The following ZNF239 variants were observed in gnomAD, a reference collection of about 807,000 sequenced individuals.
ZNF239 encodes zinc finger protein (C2H2) homologous to mouse MOK-2.
Under a neutral mutation model 27.5 loss-of-function variants are expected in ZNF239, and 16 were observed. The observed-to-expected ratio is 0.58, with a 90% CI of 0.39 to 0.88. The LOEUF (loss-of-function observed/expected upper bound fraction) is 0.88, where lower values mean the gene tolerates loss of function less well. ZNF239 is among the 40% of genes least tolerant of loss of function. The pLI, the probability that ZNF239 is intolerant of heterozygous loss-of-function variation, is 0.00. For missense variants in ZNF239, 527 were observed against 551.9 expected, an observed-to-expected ratio of 0.95 and a Z score of 0.45; for synonymous variants, 199 against 192.6, an observed-to-expected ratio of 1.03 and a Z score of -0.27.
intron 3 of ZNF239, among the ~76,000 whole-genome samples, chr10:43,565,313 A>G (rs1421587405): frequency 1.3e-5 from 2 of 151,644 alleles, no homozygotes; most frequent in East Asian, 3.9e-4. Flanking sequence ...CGAACTCCTG[A>G]CCTCAGGTGA....
At chr10:43,568,220 T>C (rs899710148) in intron 2 of ZNF239, 199 bp from the exon 3 acceptor site, 12 of 985,338 alleles carry the variant, frequency 1.2e-5, no homozygotes, top group Non-Finnish European at 1.4e-5. Context: ...TCCAAATCAT[T>C]TCCCTCCTGC....
intron 3 of ZNF239, among the ~76,000 whole-genome samples, chr10:43,561,366 G>C (rs200954209): frequency 4.6e-4 from 47 of 103,246 alleles, no homozygotes; most frequent in Middle Eastern, 5.8e-3. Context: ...AACAAACAAA[G>C]AAACAGAAAA....
At chr10:43,565,430 C>G (rs1837563849) in intron 3 of ZNF239, among the ~76,000 whole-genome samples, 1 of 152,150 alleles carries the variant, frequency 6.6e-6, no homozygotes, top group Non-Finnish European at 1.5e-5. Flanking sequence ...TAAAAACAAT[C>G]CTACCTGACA....
chr10:43,562,129 C>T (rs371775075), intron 3 of ZNF239, among the ~76,000 whole-genome samples: 1 of 152,102 alleles, frequency 6.6e-6, no homozygotes, highest in Non-Finnish European at 1.5e-5. Context: ...AAAGCTACAT[C>T]CTCATCTATA....
At position 43,573,645 on chromosome 10, in the gene ZNF239, T is replaced by G; in HGVS notation, c.-224A>C. On this transcript the variant is annotated 5_prime_UTR_variant, in exon 2 of 4. Transcript: ENST00000374446. The stretch of plus-strand genomic sequence containing the variant: ...ATGGAACGCCAACTCACCCGGACCC[T>G]GGTCATTTCTTACTCCCAGAGGGGA... 1.0e-6 allele frequency: 1 copy of G among 985,396 alleles called. No homozygotes were observed. The highest frequency in any genetic ancestry group is 1.2e-6 in the Non-Finnish European group (1 of 829,922). The allele number at this position is 985,396 out of a possible 1,614,324, so 61.0% of individuals were successfully genotyped here. A position where few individuals can be genotyped will look rare whatever the true frequency, so the allele number is the denominator to read the frequency against.
chr10:43,569,732 C>T (rs528513799), intron 2 of ZNF239, among the ~76,000 whole-genome samples: 1 of 152,276 alleles, frequency 6.6e-6, no homozygotes, highest in Admixed American at 6.5e-5. Flanking sequence ...TATTCACTTG[C>T]TTTCTTATTT....
Position 43,558,124 on chromosome 10 carries a change from GAA to G in ZNF239, c.-47_-46del, listed in dbSNP as rs758751357. On this transcript the variant is annotated 5_prime_UTR_variant, in exon 4 of 4. The change abolishes the stop of an existing upstream ORF in the 5' untranslated region. Transcript: ENST00000374446. ...GAGGAAAGCTCATGTAACAGATCCT[GAA>G]GTGTTTTCTGCTGAAGATTCTCCAC... is the stretch of plus-strand genomic sequence containing the variant. The G allele has an allele frequency of 6.4e-6, 10 of 1,562,606 alleles. No individual in the cohort carries two copies. The highest frequency in any genetic ancestry group is 3.4e-4 in the Middle Eastern group (2 of 5,834).
At chr10:43,564,707 T>G (rs1837512085) in intron 3 of ZNF239, among the ~76,000 whole-genome samples, 2 of 151,996 alleles carry the variant, frequency 1.3e-5, no homozygotes, top group African/African-American at 4.8e-5. Flanking sequence ...TTTTTTATAT[T>G]TTTTGTAGAA....
intron 3 of ZNF239, 60 bp from the exon 4 acceptor site, chr10:43,558,231 G>A (rs1486999093): frequency 7.1e-7 from 1 of 1,418,396 alleles, no homozygotes; most frequent in Non-Finnish European, 9.3e-7. Context: ...ATTTCAGAGT[G>A]AGAGTGCCTA....
intron 3 of ZNF239, among the ~76,000 whole-genome samples, chr10:43,560,862 C>G (rs1279182373): frequency 6.6e-6 from 1 of 151,864 alleles, no homozygotes; most frequent in Non-Finnish European, 1.5e-5. Context: ...TTAAAAGGTA[C>G]ATAATTAAAA....
intron 2 of ZNF239, chr10:43,571,101 ACAG>A (rs1838004712): frequency 1.3e-6 from 1 of 792,410 alleles, no homozygotes; most frequent in Admixed American, 6.2e-5. Flanking sequence ...GCTCCTGCTT[ACAG>A]TTGGGAGAGC....
intron 3 of ZNF239, among the ~76,000 whole-genome samples, chr10:43,561,263 A>T (rs1837229244): frequency 6.6e-6 from 1 of 152,188 alleles, no homozygotes; most frequent in South Asian, 2.1e-4. Flanking sequence ...GGGCCCAATA[A>T]ATGCTAAAAA....
chr10:43,564,247 T>G, intron 3 of ZNF239: 1 of 977,068 alleles, frequency 1.0e-6, no homozygotes, highest in African/African-American at 1.7e-5. Flanking sequence ...CTTTGTTCTC[T>G]CAGAGCGGTG....
At chr10:43,569,332 G>C (rs776887629) in intron 2 of ZNF239, among the ~76,000 whole-genome samples, 1 of 152,112 alleles carries the variant, frequency 6.6e-6, no homozygotes, top group Non-Finnish European at 1.5e-5. Flanking sequence ...CCCCAAACAT[G>C]AGTTTTCCAC....
chr10:43,561,658 C>T (rs1419129105), intron 3 of ZNF239, among the ~76,000 whole-genome samples: 2 of 152,040 alleles, frequency 1.3e-5, no homozygotes, highest in African/African-American at 4.8e-5. Context: ...ATACATGCTG[C>T]AAGAAATAGC....
intron 2 of ZNF239, chr10:43,570,862 G>C: frequency 3.0e-6 from 3 of 985,258 alleles, no homozygotes; most frequent in Non-Finnish European, 3.6e-6. Flanking sequence ...TGGCAGGCGG[G>C]ACTCCATTCT....
At chr10:43,574,273 A>C (rs1488309140) in intron 1 of ZNF239, among the ~76,000 whole-genome samples, 1 of 152,150 alleles carries the variant, frequency 6.6e-6, no homozygotes, top group Non-Finnish European at 1.5e-5. Flanking sequence ...AGGAGGGAGG[A>C]GGGGCCATCG....
Position 43,557,464 on chromosome 10 carries a change from G to T in ZNF239, c.616C>A (p.Gln206Lys), listed in dbSNP as rs1246966260. 3 of 1,613,996 alleles carry T rather than the reference G, an allele frequency of 1.9e-6. No individual in the cohort carries two copies. In the African/African-American group the frequency reaches 4.0e-5, roughly 22 times the overall value. ...TTACCACACTGACTACATTCGTATT[G>T]TTTCTCTGCAGTGTGGATTTTCTCA... Reference protein sequence around the residue: ...PYEKIHTAEKQYECSQCGKNF... With the variant: ...PYEKIHTAEKKYECSQCGKNF... The change falls in exon 4 of 4, where the codon CAA becomes AAA. Residue 206 changes from glutamine (Q) to lysine (K), a missense_variant. By Grantham distance (53) the Gln-to-Lys change is moderately conservative (BLOSUM62 1). Coordinates refer to ENST00000374446, the MANE Select transcript of ZNF239 (RefSeq NM_001099282.2).
In ZNF239 at chr10:43,568,452, G is replaced by A. The variant is rs932506858; in HGVS notation, c.-215-431C>T. The A allele has an allele frequency of 1.5e-5, 15 of 985,110 alleles. No homozygotes were observed. The South Asian group carries it at 2.8e-4, about 19-fold the overall frequency. The allele number at this position is 985,110 out of a possible 1,614,324, so 61.0% of individuals were successfully genotyped here. ...TCATCAAACTGTAATAACCATAATCGGGACTAGTCCACTACCTGGACCCCT... is the reference window on the plus strand; with the variant it reads ...TCATCAAACTGTAATAACCATAATCAGGACTAGTCCACTACCTGGACCCCT... On this transcript the variant is annotated intron_variant, in intron 2 of 3. Transcript: ENST00000374446.
Sources: allele counts gnomAD v4.1 joint callset (sites outside exome capture counted in the v4.1 genomes callset), GRCh38; gene constraint gnomAD v4.1.1; transcripts MANE v1.5; gene names NCBI Gene and HGNC (gene_info 2026-07-23, HGNC 2026-07-21).